Variants in ATRX observed in about 807,000 individuals in gnomAD.
ATRX encodes ATRX chromatin remodeler, also known as chromatin remodeler ATRX.
A neutral mutation model predicts 172.6 loss-of-function variants in ATRX; 12 were observed. The observed-to-expected ratio is 0.07, with a 90% confidence interval of 0.04 to 0.11. The LOEUF is 0.11. ATRX is among the 10% of genes least tolerant of loss of function. The probability of loss-of-function intolerance (pLI) is 1.00; values close to 1 mark genes in which losing one functional copy is unlikely to be tolerated. For synonymous variants in ATRX, 674 were observed against 594.7 expected (o/e 1.13, Z -1.94); for missense variants, 1,368 against 1,767.4 (o/e 0.77, Z 4.05).
In ATRX at chrX:77,706,990, T is replaced by C. The variant is rs541944438; in HGVS notation, c.134-8361A>G. ...ATCCAAGTGTCCATTGAAATATGAA[T>C]AGATAAACAAAATGTGGTATATACA... On this transcript the variant is annotated intron_variant, in intron 2 of 34. Transcript: ENST00000373344. Among the ~76,000 whole-genome samples the C allele has an allele frequency of 2.7e-5, 3 of 112,412 alleles. No individual in the cohort carries two copies. The South Asian group carries it at 1.1e-3, about 41-fold the overall frequency.
At chrX:77,520,722 C>A (rs934436657) in intron 34 of ATRX, 66 bp downstream of exon 34, 30 of 1,123,396 alleles carry the variant, frequency 2.7e-5, no homozygotes, top group Non-Finnish European at 3.4e-5. Context: ...AGATGTCATA[C>A]AAACTTATTA....
chrX:77,701,820 C>T (rs1426890005), intron 2 of ATRX, among the ~76,000 whole-genome samples: 1 of 112,044 alleles, frequency 8.9e-6, no homozygotes, highest in Non-Finnish European at 1.9e-5. Context: ...AATCCCAGCA[C>T]TTTGGGAGGC....
In ATRX at chrX:77,672,689, G is replaced by GA. The variant is rs782399582; in HGVS notation, c.3809+3536dup. Among the ~76,000 whole-genome samples, 10 of 107,273 alleles carry GA rather than the reference G, an allele frequency of 9.3e-5. No individual in the cohort carries two copies. In the South Asian group the frequency reaches 2.4e-3, roughly 26 times the overall value. 93.2% of individuals were successfully genotyped at this position (107,273 alleles called of 115,157 possible). A position where few individuals can be genotyped will look rare whatever the true frequency, so the allele number is the denominator to read the frequency against. On this transcript the variant is annotated intron_variant, in intron 10 of 34. Transcript: ENST00000373344. The stretch of plus-strand genomic sequence containing the variant: ...TCTCCACATCAAATTTCGCTTCTAT[G>GA]AAAAAAAAAGCATTTAGTCGCACCC...
At chrX:77,768,512 T>C (rs782581962) in intron 1 of ATRX, among the ~76,000 whole-genome samples, 1 of 112,319 alleles carries the variant, frequency 8.9e-6, no homozygotes, top group African/African-American at 3.2e-5. Context: ...TATTTTCTAT[T>C]TATTTATTCA....
At chrX:77,522,489 G>A (rs2147753460) in intron 31 of ATRX, 101 bp from the exon 32 acceptor site, 1 of 931,232 alleles carries the variant, frequency 1.1e-6, no homozygotes, top group South Asian at 2.0e-5. Flanking sequence ...TCAGATCCAG[G>A]AAATTATTAA....
chrX:77,529,523 A>T (rs1488794457), intron 30 of ATRX, among the ~76,000 whole-genome samples: 1 of 111,580 alleles, frequency 9.0e-6, no homozygotes, highest in Admixed American at 9.5e-5. Flanking sequence ...TAAATAAAAG[A>T]AATTCCAGCC....
intron 30 of ATRX, among the ~76,000 whole-genome samples, chrX:77,527,810 A>G (rs1602386744): frequency 2.7e-5 from 3 of 111,509 alleles, no homozygotes; most frequent in African/African-American, 9.8e-5. Flanking sequence ...TTCCAGCGGG[A>G]GGGGCGGTCG....
At chrX:77,659,524 C>CACACACACAG (rs781808344) in intron 12 of ATRX, among the ~76,000 whole-genome samples, 62 of 98,339 alleles carry the variant, frequency 6.3e-4, no homozygotes, top group Non-Finnish European at 8.4e-4. Flanking sequence ...CACACACACA[C>CACACACACAG]AGGCAGACAC....
intron 1 of ATRX, among the ~76,000 whole-genome samples, chrX:77,756,024 C>A (rs1332138884): frequency 8.9e-6 from 1 of 112,249 alleles, no homozygotes; most frequent in Non-Finnish European, 1.9e-5. Context: ...GGGGCTGCTG[C>A]CTTTCTTTCA....
intron 15 of ATRX, among the ~76,000 whole-genome samples, chrX:77,637,958 A>C (rs781879120): frequency 1.7e-4 from 18 of 107,740 alleles, no homozygotes; most frequent in Admixed American, 1.1e-3. Flanking sequence ...AAAAAAAAAA[A>C]ACACAAACAA....
At position 77,735,635 on chromosome X, in the gene ATRX, T is replaced by A. The variant is rs782672151; in HGVS notation, c.21-18392A>T. Among the ~76,000 whole-genome samples the A allele has an allele frequency of 2.5e-4, 19 of 76,606 alleles. No homozygotes were observed. In the South Asian group the frequency reaches 3.2e-3, roughly 13 times the overall value. 66.5% of individuals were successfully genotyped at this position (76,606 alleles called of 115,157 possible). A position where few individuals can be genotyped will look rare whatever the true frequency, so the allele number is the denominator to read the frequency against. On this transcript the variant is annotated intron_variant, in intron 1 of 34. Coordinates refer to ENST00000373344, the MANE Select transcript of ATRX (RefSeq NM_000489.6). Reference sequence around the variant, plus strand: ...ATAAATAAATAAATAAATAAATAAATAAAAATAAATACAAAAATCAGACGG... The same window carrying A: ...ATAAATAAATAAATAAATAAATAAAAAAAAATAAATACAAAAATCAGACGG...
chrX:77,539,045 C>T (rs1307909258), intron 30 of ATRX, among the ~76,000 whole-genome samples: 1 of 109,655 alleles, frequency 9.1e-6, no homozygotes, highest in Admixed American at 9.8e-5. Flanking sequence ...CAGGTGAGCA[C>T]CACCAAGCCC....
intron 30 of ATRX, among the ~76,000 whole-genome samples, chrX:77,546,334 G>GT (rs1215988453): frequency 2.7e-5 from 3 of 111,226 alleles, no homozygotes; most frequent in Non-Finnish European, 5.7e-5. Flanking sequence ...GATACTGTTT[G>GT]TTTTTTTAAT....
At chrX:77,658,841 G>A (rs2069699253) in intron 12 of ATRX, among the ~76,000 whole-genome samples, 1 of 111,350 alleles carries the variant, frequency 9.0e-6, no homozygotes, top group South Asian at 3.7e-4. Context: ...ATTAAATCAG[G>A]GAAGCTAGGT....
chrX:77,527,466 T>C (rs1221005567), intron 30 of ATRX, among the ~76,000 whole-genome samples: 2 of 112,151 alleles, frequency 1.8e-5, no homozygotes, highest in Admixed American at 1.9e-4. Flanking sequence ...GCTTCTCCCA[T>C]GGATCTTTGC....
At chrX:77,658,026 T>C (rs979465333) in intron 12 of ATRX, among the ~76,000 whole-genome samples, 1 of 109,471 alleles carries the variant, frequency 9.1e-6, no homozygotes, top group Non-Finnish European at 1.9e-5. Context: ...CTGGGCAACA[T>C]AGGGAGATTC....
At position 77,683,843 on chromosome X, in the gene ATRX, A is replaced by C; in HGVS notation, c.1413T>G (p.Ser471Arg). 1 of 1,210,417 alleles carries C rather than the reference A, an allele frequency of 8.3e-7. No homozygotes were observed. Among genetic ancestry groups the C allele is most frequent in the Non-Finnish European group, 1.1e-6 (1 of 894,394 alleles). ...TTGGAACATTCTGATGCATGTGCTC[A>C]CTATCTACCTGTTTTCTTGAAAGTT... ...EAKLSRKQVD[S>R]EHMHQNVPTE... is the part of the protein sequence containing the mutation. The change falls in exon 9 of 35, where the codon AGT (serine) becomes AGG (arginine). Residue 471 changes from serine to arginine, a missense_variant. Physicochemically the swap from Ser to Arg is moderately radical, Grantham distance 110. This residue lies in a region of ATRX where 843 missense variants were observed against 643.1 expected (regional missense o/e 1.31). Transcript: ENST00000373344.
intron 2 of ATRX, among the ~76,000 whole-genome samples, chrX:77,704,887 C>T (rs188145894): frequency 8.9e-6 from 1 of 112,134 alleles, no homozygotes; most frequent in Non-Finnish European, 1.9e-5. Context: ...CCTGGGTCTG[C>T]AGCCCCCCCA....
chrX:77,690,997 TATAAC>T lies in ATRX; in HGVS notation c.485-2075_485-2071del, dbSNP rs1426530794. The T allele has an allele frequency of 7.1e-5, 8 of 112,500 alleles. No homozygotes were observed. The East Asian group carries it at 1.1e-3, about 16-fold the overall frequency. The allele number at this position is 112,500 out of a possible 1,213,427, so 9.3% of individuals were successfully genotyped here. A position where few individuals can be genotyped will look rare whatever the true frequency, so the allele number is the denominator to read the frequency against. On this transcript the variant is annotated intron_variant, in intron 6 of 34. Coordinates refer to ENST00000373344, the MANE Select transcript of ATRX (RefSeq NM_000489.6). ...TGGGAAATGAATAGTGGCTTATTGATATAACATAATTCTATAGAGCAGTGAAAAAT... is the reference window on the plus strand; with the variant it reads ...TGGGAAATGAATAGTGGCTTATTGATATAATTCTATAGAGCAGTGAAAAAT...
Sources: allele counts gnomAD v4.1 joint callset (sites outside exome capture counted in the v4.1 genomes callset), GRCh38; gene constraint gnomAD v4.1.1; regional missense constraint gnomAD v4.1.1; transcripts MANE v1.5; gene names NCBI Gene and HGNC (gene_info 2026-07-23, HGNC 2026-07-21).